The following SPEF2 variants were observed in gnomAD, a reference collection of about 807,000 sequenced individuals.
SPEF2 encodes the protein sperm flagellar and cilia associated 2, also known as sperm flagella and cilia-associated protein 2.
In SPEF2, 187 loss-of-function variants were observed where a neutral mutation model predicts 224.6. The ratio of observed to expected loss-of-function variants is 0.83; its 90% CI spans 0.74 to 0.94. The LOEUF is 0.94. Ranked by LOEUF, SPEF2 falls within the 40% of genes least tolerant of loss-of-function variation. The probability of loss-of-function intolerance (pLI) is 0.00; values close to 1 mark genes in which losing one functional copy is unlikely to be tolerated. For synonymous variants in SPEF2, 715 were observed against 707.3 expected, an observed-to-expected ratio of 1.01 and a Z score of -0.17; for missense variants, 2,170 against 2,135.6, an observed-to-expected ratio of 1.02 and a Z score of -0.32.
intron 1 of SPEF2, among the ~76,000 whole-genome samples, chr5:35,627,039 G>A (rs143674642): frequency 6.6e-6 from 1 of 151,802 alleles, no homozygotes; most frequent in African/African-American, 2.4e-5. Context: ...ATACTGCAAT[G>A]ACATATAATA....
intron 10 of SPEF2, among the ~76,000 whole-genome samples, chr5:35,685,592 C>T (rs890084678): frequency 6.6e-5 from 10 of 151,976 alleles, no homozygotes; most frequent in Admixed American, 3.9e-4. Context: ...TTACTAAGGG[C>T]CACTTTGTCA....
intron 20 of SPEF2, among the ~76,000 whole-genome samples, chr5:35,717,634 C>T (rs1350843907): frequency 1.3e-5 from 2 of 152,016 alleles, no homozygotes; most frequent in African/African-American, 4.8e-5. Flanking sequence ...AAAACGGACT[C>T]TCGCAAGGCC....
Position 35,697,776 on chromosome 5 carries a change from C to T in SPEF2, c.2124C>T (p.Ile708=). ...KSIPDVLLVD[I]IVNAINEIPV... is the part of the protein sequence containing the mutation. Reference sequence around the variant, plus strand: ...TTCCTGATGTGCTGCTTGTTGACATCATAGTAAATGCTATTAAGTATGTAT... The same window carrying T: ...TTCCTGATGTGCTGCTTGTTGACATTATAGTAAATGCTATTAAGTATGTAT... Residue 708 remains isoleucine, a synonymous_variant, in exon 15 of 37, where the codon ATC becomes ATT. Transcript: ENST00000356031. 1 of 1,612,276 alleles carries T rather than the reference C, an allele frequency of 6.2e-7. No homozygotes were observed. The highest frequency in any genetic ancestry group is 8.5e-7 in the Non-Finnish European group (1 of 1,178,958).
At chr5:35,720,652 A>G (rs1335871524) in intron 20 of SPEF2, among the ~76,000 whole-genome samples, 2 of 152,222 alleles carry the variant, frequency 1.3e-5, no homozygotes, top group Non-Finnish European at 2.9e-5. Flanking sequence ...AACCTTAATT[A>G]TGATTGATAG....
intron 12 of SPEF2, 99 bp from the exon 13 acceptor site, chr5:35,694,189 T>C: frequency 1.2e-6 from 1 of 854,684 alleles, no homozygotes; most frequent in South Asian, 1.7e-5. Context: ...AAAAGTATTG[T>C]ATTTGTTCTC....
chr5:35,776,196 T>G (rs1753592384), intron 28 of SPEF2, 61 bp from the exon 29 acceptor site: 1 of 1,519,370 alleles, frequency 6.6e-7, no homozygotes. Context: ...AGTGAATCTG[T>G]TCATTAGTAA....
chr5:35,756,618 C>T (rs528969934), intron 24 of SPEF2, among the ~76,000 whole-genome samples: 1 of 152,272 alleles, frequency 6.6e-6, no homozygotes, highest in Non-Finnish European at 1.5e-5. Flanking sequence ...GTGGAAAGCA[C>T]ACTAGAAAAA....
chr5:35,620,646 G>C (rs1743373413), intron 1 of SPEF2, among the ~76,000 whole-genome samples: 1 of 152,142 alleles, frequency 6.6e-6, no homozygotes, highest in Non-Finnish European at 1.5e-5. Flanking sequence ...CTTCAAAAGT[G>C]TAATGCTTGG....
At chr5:35,654,048 G>A (rs967356094) in intron 6 of SPEF2, among the ~76,000 whole-genome samples, 10 of 151,244 alleles carry the variant, frequency 6.6e-5, no homozygotes, top group Non-Finnish European at 1.5e-4. Flanking sequence ...ATCACCTGAG[G>A]TCAGGAGTTC....
Position 35,798,503 on chromosome 5 carries a change from A to G in SPEF2, c.4831-1465A>G, listed in dbSNP as rs189849136. 2.4e-4 allele frequency among the ~76,000 whole-genome samples: 37 copies of G among 151,942 alleles called. 1 individual carries two copies. Among genetic ancestry groups the G allele is most frequent in the Admixed American group, 1.9e-3 (29 of 15,284 alleles). On this transcript the variant is annotated intron_variant, in intron 33 of 36. Transcript: ENST00000356031. ...ACGTCATTGGTCAAACTTAATCTCA[A>G]TCTTGCTGTCTAGCCCCCTCTCCAC...
intron 7 of SPEF2, 86 bp downstream of exon 7, chr5:35,654,812 A>G (rs1185773224): frequency 8.4e-7 from 1 of 1,196,510 alleles, no homozygotes; most frequent in Non-Finnish European, 1.1e-6. Flanking sequence ...TAGTTTATAT[A>G]TGTATTGTCT....
In SPEF2 at chr5:35,624,777, C is replaced by T. The variant is rs144421808; in HGVS notation, c.59-3683C>T. 2.6e-4 allele frequency among the ~76,000 whole-genome samples: 40 copies of T among 152,320 alleles called. 1 individual carries two copies. Among genetic ancestry groups the T allele is most frequent in the African/African-American group, 8.9e-4 (37 of 41,560 alleles). On this transcript the variant is annotated intron_variant, in intron 1 of 36. Coordinates refer to ENST00000356031, the MANE Select transcript of SPEF2 (RefSeq NM_024867.4). Reference sequence around the variant, plus strand: ...TCAGCATCCCGAGTAGCTGGGGCTACAGGCATGTGCCACCATGCCCGGCTA... The same window carrying T: ...TCAGCATCCCGAGTAGCTGGGGCTATAGGCATGTGCCACCATGCCCGGCTA...
chr5:35,798,619 ATCT>A lies in SPEF2; in HGVS notation c.4831-1341_4831-1339del, dbSNP rs528793272. Among the ~76,000 whole-genome samples the A allele has an allele frequency of 1.0e-3, 157 of 150,256 alleles. No individual in the cohort carries two copies. The Middle Eastern group carries it at 0.027, about 26-fold the overall frequency. On this transcript the variant is annotated intron_variant, in intron 33 of 36. Transcript: ENST00000356031. ...GTTTACCTATTTTATTTATTCTTTT[ATCT>A]TCTTCTTTTTTTTCAGGCTGGAGTG...
intron 8 of SPEF2, among the ~76,000 whole-genome samples, chr5:35,661,915 G>T (rs1749797835): frequency 6.6e-6 from 1 of 152,124 alleles, no homozygotes; most frequent in Admixed American, 6.6e-5. Context: ...AAAATAGAAT[G>T]ATTTATATTC....
chr5:35,751,446 G>A lies in SPEF2; in HGVS notation c.3331-2178G>A, dbSNP rs1030217284. ...TTACTTATGTACCCAAATACCACCC[G>A]TACCCCAATAACTTATGGAAAAATA... On this transcript the variant is annotated intron_variant, in intron 23 of 36. Coordinates refer to ENST00000356031, the MANE Select transcript of SPEF2 (RefSeq NM_024867.4). Among the ~76,000 whole-genome samples the A allele has an allele frequency of 4.0e-5, 6 of 150,768 alleles. No homozygotes were observed. The East Asian group carries it at 7.9e-4, about 20-fold the overall frequency.
At chr5:35,624,762 G>A (rs368324759) in intron 1 of SPEF2, among the ~76,000 whole-genome samples, 44 of 152,102 alleles carry the variant, frequency 2.9e-4, no homozygotes, top group East Asian at 5.8e-4. Flanking sequence ...TCAGCATCCC[G>A]AGTAGCTGGG....
chr5:35,743,122 C>T (rs887522279), intron 23 of SPEF2, among the ~76,000 whole-genome samples: 2 of 150,938 alleles, frequency 1.3e-5, no homozygotes, highest in Non-Finnish European at 3.0e-5. Context: ...TATTTAGCTA[C>T]GTGGTTAGAT....
chr5:35,675,460 T>TC (rs1751832604), intron 10 of SPEF2: 1 of 153,156 alleles, frequency 6.5e-6, no homozygotes, highest in Non-Finnish European at 1.5e-5. Flanking sequence ...CTCCCTAAAT[T>TC]CCTTCACTAA....
intron 10 of SPEF2, among the ~76,000 whole-genome samples, chr5:35,685,977 C>A (rs901728035): frequency 9.2e-5 from 14 of 151,708 alleles, no homozygotes; most frequent in African/African-American, 3.4e-4. Context: ...TTTTGGTTCT[C>A]TCTTTGGATT....
Sources: gnomAD v4.1 joint callset for allele counts (sites outside exome capture counted in the v4.1 genomes callset) on GRCh38, gnomAD v4.1.1 for gene constraint, MANE v1.5 for transcripts, NCBI Gene and HGNC (gene_info 2026-07-23, HGNC 2026-07-21) for gene names.